Variants in COBL observed in about 807,000 individuals in gnomAD.
The protein encoded by COBL is cordon-bleu WH2 repeat protein.
A neutral mutation model predicts 98.8 loss-of-function variants in COBL; 51 were observed. The observed-to-expected ratio is 0.52, with a 90% CI of 0.41 to 0.65. The LOEUF is 0.65. COBL is among the 30% of genes least tolerant of loss of function. The pLI, the probability that COBL is intolerant of heterozygous loss-of-function variation, is 0.00. For missense variants in COBL, 1,617 were observed against 1,617.5 expected, an observed-to-expected ratio of 1.00 and a Z score of 0.01; for synonymous variants, 634 against 651.7, an observed-to-expected ratio of 0.97 and a Z score of 0.41.
At chr7:51,302,330 C>T (rs149042572) in intron 1 of COBL, among the ~76,000 whole-genome samples, 1,987 of 152,190 alleles carry the variant, frequency 0.013, 43 homozygotes, top group African/African-American at 0.045. Flanking sequence ...ACCTGTAATC[C>T]TAGCATTTTG....
intron 1 of COBL, among the ~76,000 whole-genome samples, chr7:51,265,169 A>C (rs1054396347): frequency 6.6e-6 from 1 of 152,214 alleles, no homozygotes; most frequent in Non-Finnish European, 1.5e-5. Context: ...GTGTGTTCCC[A>C]GTCCTTTAAC....
intron 6 of COBL, among the ~76,000 whole-genome samples, chr7:51,103,330 A>T (rs1409432664): frequency 6.6e-6 from 1 of 152,030 alleles, no homozygotes; most frequent in Non-Finnish European, 1.5e-5. Flanking sequence ...GTTCACATCA[A>T]TTTTTTTTCC....
intron 5 of COBL, among the ~76,000 whole-genome samples, chr7:51,147,138 A>G (rs1785105785): frequency 6.6e-6 from 1 of 152,184 alleles, no homozygotes; most frequent in South Asian, 2.1e-4. Flanking sequence ...GTGACCTCCA[A>G]GCTGTGTCAG....
chr7:51,236,473 G>C (rs2129113478), intron 1 of COBL, among the ~76,000 whole-genome samples: 1 of 152,290 alleles, frequency 6.6e-6, no homozygotes, highest in African/African-American at 2.4e-5. Flanking sequence ...TGGTGAAGGA[G>C]ACTTTAAGAA....
chr7:51,241,115 C>T (rs1035108167), intron 1 of COBL, among the ~76,000 whole-genome samples: 10 of 152,162 alleles, frequency 6.6e-5, no homozygotes, highest in Non-Finnish European at 8.8e-5. Context: ...TAAACAAACA[C>T]GAGTGGGCAC....
At chr7:51,111,309 T>C (rs10256652) in intron 6 of COBL, among the ~76,000 whole-genome samples, 6,734 of 152,298 alleles carry the variant, frequency 0.044, 490 homozygotes, top group African/African-American at 0.15. Context: ...AGCATCCCCT[T>C]TCTCCATATC....
chr7:51,149,098 T>C (rs367868475), intron 5 of COBL, among the ~76,000 whole-genome samples: 355 of 152,316 alleles, frequency 2.3e-3, no homozygotes, highest in Middle Eastern at 6.8e-3. Flanking sequence ...ATCTTCCCCA[T>C]ATGGCCCCAC....
Position 51,272,948 on chromosome 7 carries a change from CCAACAACAACAA to C in COBL, c.41+43633_41+43644del, listed in dbSNP as rs202039697. ...GCGTTTTCATCTATGGAACACAATA[CCAACAACAACAA>C]CAACAACAACAACAACAACAACAAC... On this transcript the variant is annotated intron_variant, in intron 1 of 12. Transcript: ENST00000265136. Among the ~76,000 whole-genome samples the C allele has an allele frequency of 2.0e-3, 287 of 146,204 alleles. 1 individual carries two copies. The highest frequency in any genetic ancestry group is 6.8e-3 in the Middle Eastern group (2 of 292).
chr7:51,056,113 G>A (rs1369416964), intron 7 of COBL, among the ~76,000 whole-genome samples: 1 of 151,846 alleles, frequency 6.6e-6, no homozygotes, highest in Non-Finnish European at 1.5e-5. Flanking sequence ...TAATAGAATA[G>A]TTTCAGAAAG....
At chr7:51,184,921 G>A (rs1789347917) in intron 4 of COBL, among the ~76,000 whole-genome samples, 1 of 152,192 alleles carries the variant, frequency 6.6e-6, no homozygotes, top group Non-Finnish European at 1.5e-5. Flanking sequence ...TCCCCAGGTG[G>A]TATTTGAAAC....
At chr7:51,042,047 G>A (rs541363226) in intron 8 of COBL, among the ~76,000 whole-genome samples, 1 of 152,242 alleles carries the variant, frequency 6.6e-6, no homozygotes, top group South Asian at 2.1e-4. Context: ...GGAAAAAATA[G>A]ATCCTTCTTC....
chr7:51,182,046 T>C (rs1268350247), intron 5 of COBL, among the ~76,000 whole-genome samples: 1 of 152,166 alleles, frequency 6.6e-6, no homozygotes, highest in Non-Finnish European at 1.5e-5. Flanking sequence ...ACTTGGTTTT[T>C]CTGGCCATTT....
rs144162129 is a variant in COBL, at chr7:51,231,363, T to C, written c.42-11419A>G. 7.3e-3 allele frequency among the ~76,000 whole-genome samples: 1,112 copies of C among 152,290 alleles called. 15 individuals carry two copies. The highest frequency in any genetic ancestry group is 0.025 in the African/African-American group (1,041 of 41,562). On this transcript the variant is annotated intron_variant, in intron 1 of 12. Coordinates refer to ENST00000265136, the MANE Select transcript of COBL (RefSeq NM_015198.5). The stretch of plus-strand genomic sequence containing the variant: ...TGTCTCCATGGCCAGCAGGTCTGTC[T>C]AGTAAGGACATCACAGTGGCCTCCT...
chr7:51,061,052 A>G (rs1791304376), intron 7 of COBL, among the ~76,000 whole-genome samples: 1 of 152,208 alleles, frequency 6.6e-6, no homozygotes, highest in Non-Finnish European at 1.5e-5. Context: ...TTCAGGAATG[A>G]TGGTTTGCAT....
intron 4 of COBL, among the ~76,000 whole-genome samples, chr7:51,190,034 G>A (rs1789943178): frequency 6.6e-6 from 1 of 152,188 alleles, no homozygotes; most frequent in African/African-American, 2.4e-5. Context: ...GATGACACTG[G>A]CAACACAGTG....
chr7:51,206,055 T>C (rs1021644550), intron 2 of COBL, among the ~76,000 whole-genome samples: 3 of 152,204 alleles, frequency 2.0e-5, no homozygotes, highest in Non-Finnish European at 4.4e-5. Flanking sequence ...TTGGTGAGAA[T>C]GTGGAGAAAA....
intron 11 of COBL, 116 bp from the exon 12 acceptor site, chr7:51,025,488 T>A (rs548354841): frequency 2.3e-5 from 24 of 1,063,006 alleles, no homozygotes; most frequent in South Asian, 1.6e-4. Context: ...GGTGACTAGG[T>A]CATGAGGTGG....
intron 1 of COBL, among the ~76,000 whole-genome samples, chr7:51,224,626 G>A (rs761575544): frequency 3.9e-5 from 6 of 151,978 alleles, no homozygotes; most frequent in African/African-American, 4.8e-5. Context: ...AGCATGCCCG[G>A]GCTAGGGACA....
intron 5 of COBL, among the ~76,000 whole-genome samples, chr7:51,158,560 G>T (rs551274448): frequency 6.6e-6 from 1 of 152,314 alleles, no homozygotes; most frequent in East Asian, 1.9e-4. Context: ...AGGGAGCAGT[G>T]GGGATTTAAG....
Sources: allele counts gnomAD v4.1 joint callset (sites outside exome capture counted in the v4.1 genomes callset), GRCh38; gene constraint gnomAD v4.1.1; transcripts MANE v1.5; gene names NCBI Gene and HGNC (gene_info 2026-07-23, HGNC 2026-07-21).